The following PALMD variants were observed in gnomAD, a reference collection of about 807,000 sequenced individuals.
The protein encoded by PALMD is palmdelphin.
In PALMD, 42 loss-of-function variants were observed where a neutral mutation model predicts 56.2. The observed-to-expected ratio is 0.75, with a 90% CI of 0.58 to 0.97. The LOEUF (loss-of-function observed/expected upper bound fraction) is 0.97, where lower values mean the gene tolerates loss of function less well. Among genes scored for constraint, PALMD ranks in the 50% least tolerant of loss-of-function variants. The pLI is 0.00. For missense variants in PALMD, 660 were observed against 643.8 expected (o/e 1.03, Z -0.27); for synonymous variants, 242 against 222.9 (o/e 1.09, Z -0.76).
intron 3 of PALMD, among the ~76,000 whole-genome samples, chr1:99,681,192 C>G (rs1242350652): frequency 6.6e-6 from 1 of 151,662 alleles, no homozygotes; most frequent in East Asian, 1.9e-4. Context: ...GATGGACTAA[C>G]CCGCTGAGCA....
Position 99,689,643 on chromosome 1 carries a change from G to A in PALMD, c.1383G>A (p.Pro461=), listed in dbSNP as rs11166298. 0.013 allele frequency: 21,716 copies of A among 1,613,558 alleles called. 182 individuals carry two copies. The highest frequency in any genetic ancestry group is 0.017 in the Non-Finnish European group (19,553 of 1,179,790). Residue 461 remains proline (P), a synonymous_variant, in exon 7 of 8, where the codon CCG becomes CCA. Coordinates refer to ENST00000263174, the MANE Select transcript of PALMD (RefSeq NM_017734.5). ...AGGATGAAGGAGAAGCAGAGAAACC[G>A]TCCTACCACCCCATAGCTCCCCATA... ...EEEDEGEAEK[P]SYHPIAPHSQ...
rs908696586 is a variant in PALMD, at chr1:99,668,803, A to T, written c.251+1037A>T. 5 of 152,316 alleles carry T rather than the reference A, an allele frequency of 3.3e-5. 1 individual carries two copies. The South Asian group carries it at 1.0e-3, about 32-fold the overall frequency. 9.4% of individuals were successfully genotyped at this position (152,316 alleles called of 1,614,324 possible). The stretch of plus-strand genomic sequence containing the variant: ...GGACAAGAAAAAACTGGAAAGCTCA[A>T]ATGTAAGATGGGATTATTAGTATTA... On this transcript the variant is annotated intron_variant, in intron 3 of 7. Coordinates refer to ENST00000263174, the MANE Select transcript of PALMD (RefSeq NM_017734.5).
In PALMD at chr1:99,689,138, G is replaced by C; in HGVS notation, c.878G>C (p.Gly293Ala). Residue 293 changes from glycine (G) to alanine (A), a missense_variant, in exon 7 of 8, where the codon GGA becomes GCA. Coordinates refer to ENST00000263174, the MANE Select transcript of PALMD (RefSeq NM_017734.5). Reference protein sequence around the residue: ...FQERIKIKTNGLGIGVNESIH... With the variant: ...FQERIKIKTNALGIGVNESIH... ...GAAAGGATAAAGATTAAAACTAATG[G>C]ACTGGGTATTGGTGTAAATGAATCC... 1.9e-6 allele frequency: 3 copies of C among 1,613,550 alleles called. No individual in the cohort carries two copies. The highest frequency in any genetic ancestry group is 2.5e-6 in the Non-Finnish European group (3 of 1,179,796).
chr1:99,688,248 A>G (rs1571076439), intron 6 of PALMD, among the ~76,000 whole-genome samples: 1 of 152,228 alleles, frequency 6.6e-6, no homozygotes, highest in South Asian at 2.1e-4. Flanking sequence ...CAGCCTCTCC[A>G]CTGTGAAAAC....
chr1:99,650,571 A>G (rs2100852340), intron 1 of PALMD, among the ~76,000 whole-genome samples: 1 of 152,268 alleles, frequency 6.6e-6, no homozygotes, highest in South Asian at 2.1e-4. Flanking sequence ...CCTTTTTGTC[A>G]ATATCTGGGC....
chr1:99,683,084 GAGAGAGAAAGAAAGAAAGAA>G (rs1289303885), intron 3 of PALMD, among the ~76,000 whole-genome samples: 304 of 15,436 alleles, frequency 0.02, 2 homozygotes, highest in Middle Eastern at 0.071. Flanking sequence ...GAGAGAGAGA[GAGAGAGAAAGAAAGAAAGAA>G]AGAAAGAAAG....
chr1:99,648,976 T>C (rs834995), intron 1 of PALMD, among the ~76,000 whole-genome samples: 104 of 152,074 alleles, frequency 6.8e-4, no homozygotes, highest in Non-Finnish European at 1.3e-3. Flanking sequence ...ACTATCGTGA[T>C]GCCATTCATT....
intron 1 of PALMD, among the ~76,000 whole-genome samples, chr1:99,647,096 T>G (rs766606465): frequency 9.2e-5 from 14 of 152,190 alleles, no homozygotes; most frequent in Non-Finnish European, 1.8e-4. Flanking sequence ...AAATTACTTT[T>G]CTTAAATGAT....
Position 99,662,380 on chromosome 1 carries a change from TA to T in PALMD, c.110del (p.Lys37SerfsTer5). ...QKRLKIEEDKLKHQHLKKKAL... is the reference protein window; with the variant it reads ...QKRLKIEEDKXKHQHLKKKAL... Reference sequence around the variant, plus strand: ...CGTCTGAAAATAGAGGAAGACAAACTAAAGCACCAGCATTTGAAGGTAATTT... The same window carrying T: ...CGTCTGAAAATAGAGGAAGACAAACTAAGCACCAGCATTTGAAGGTAATTT... On this transcript the variant is annotated frameshift_variant, in exon 2 of 8. Transcript: ENST00000263174. LOFTEE classifies it high-confidence loss of function. 3 of 1,561,484 alleles carry T rather than the reference TA, an allele frequency of 1.9e-6. No homozygotes were observed. The highest frequency in any genetic ancestry group is 2.6e-6 in the Non-Finnish European group (3 of 1,139,468).
intron 7 of PALMD, among the ~76,000 whole-genome samples, chr1:99,693,249 A>G (rs2100879498): frequency 6.6e-6 from 1 of 152,292 alleles, no homozygotes; most frequent in African/African-American, 2.4e-5. Flanking sequence ...TAATCTTTAG[A>G]TCAGTGCCTT....
At chr1:99,673,426 A>G (rs1653127555) in intron 3 of PALMD, among the ~76,000 whole-genome samples, 1 of 152,136 alleles carries the variant, frequency 6.6e-6, no homozygotes, top group South Asian at 2.1e-4. Context: ...CCTAACCCGT[A>G]TCTAATACCA....
chr1:99,675,016 G>T (rs1215180113), intron 3 of PALMD, among the ~76,000 whole-genome samples: 1 of 152,192 alleles, frequency 6.6e-6, no homozygotes, highest in Non-Finnish European at 1.5e-5. Context: ...TCTTTTGTCT[G>T]CCATAAGGCA....
chr1:99,693,918 C>G (rs1450251098), intron 7 of PALMD, 101 bp from the exon 8 acceptor site: 8 of 745,968 alleles, frequency 1.1e-5, no homozygotes, highest in Non-Finnish European at 1.9e-5. Flanking sequence ...ATAAAACCAT[C>G]TGAGGTATGT....
chr1:99,647,134 C>G (rs1254408271), intron 1 of PALMD, among the ~76,000 whole-genome samples: 1 of 151,992 alleles, frequency 6.6e-6, no homozygotes, highest in Non-Finnish European at 1.5e-5. Context: ...TTTATAAAAC[C>G]CTGTATTTGG....
chr1:99,655,106 TAGTA>T (rs1652689214), intron 1 of PALMD, among the ~76,000 whole-genome samples: 1 of 152,122 alleles, frequency 6.6e-6, no homozygotes, highest in Non-Finnish European at 1.5e-5. Flanking sequence ...TTTTAAAAAT[TAGTA>T]AGTAATAAAA....
At chr1:99,691,147 G>A (rs905637757) in intron 7 of PALMD, among the ~76,000 whole-genome samples, 1 of 152,150 alleles carries the variant, frequency 6.6e-6, no homozygotes, top group Non-Finnish European at 1.5e-5. Flanking sequence ...CATCTTAAGA[G>A]AGAGCTTTGG....
intron 3 of PALMD, chr1:99,668,599 G>T (rs944269643): frequency 3.9e-5 from 6 of 152,124 alleles, no homozygotes; most frequent in South Asian, 2.1e-4. Context: ...TGGAAAGAAG[G>T]TTCTATAGGA....
In PALMD at chr1:99,694,157, C is replaced by A; in HGVS notation, c.*95C>A. 2 of 831,566 alleles carry A rather than the reference C, an allele frequency of 2.4e-6. No individual in the cohort carries two copies. Among genetic ancestry groups the A allele is most frequent in the Non-Finnish European group, 3.9e-6 (2 of 515,864 alleles). 51.5% of individuals were successfully genotyped at this position (831,566 alleles called of 1,614,324 possible). ...ATATTTTGTTTATTTTTTCTGAAGT[C>A]CAAAAAATTATCATTACAGTGTACC... On this transcript the variant is annotated 3_prime_UTR_variant, in exon 8 of 8. Transcript: ENST00000263174.
chr1:99,662,989 A>G (rs1652881707), intron 2 of PALMD, among the ~76,000 whole-genome samples: 1 of 152,204 alleles, frequency 6.6e-6, no homozygotes, highest in African/African-American at 2.4e-5. Context: ...AAGCACATTG[A>G]GTTTCAACAT....
Sources: allele counts gnomAD v4.1 joint callset (sites outside exome capture counted in the v4.1 genomes callset), GRCh38; gene constraint gnomAD v4.1.1; transcripts MANE v1.5; gene names NCBI Gene and HGNC (gene_info 2026-07-23, HGNC 2026-07-21).